Variants in FAM98B observed in about 807,000 individuals in gnomAD.
FAM98B encodes tRNA splicing ligase complex subunit 3B, also known as tRNA-splicing ligase complex subunit FAM98B.
A neutral mutation model predicts 43.9 loss-of-function variants in FAM98B; 32 were observed. The observed-to-expected ratio is 0.73, with a 90% CI of 0.55 to 0.98. The LOEUF is 0.98. FAM98B is among the 50% of genes least tolerant of loss of function. The pLI, the probability that FAM98B is intolerant of heterozygous loss-of-function variation, is 0.00. For missense variants in FAM98B, 514 were observed against 522.9 expected, an observed-to-expected ratio of 0.98 and a Z score of 0.17; for synonymous variants, 190 against 174.0, an observed-to-expected ratio of 1.09 and a Z score of -0.72.
intron 6 of FAM98B, among the ~76,000 whole-genome samples, chr15:38,474,549 A>G (rs1030581761): frequency 1.3e-5 from 2 of 152,218 alleles, no homozygotes; most frequent in African/African-American, 4.8e-5. Context: ...CAGGATATGC[A>G]TAAAAGAAGG....
intron 1 of FAM98B, among the ~76,000 whole-genome samples, chr15:38,455,986 A>T (rs1487365769): frequency 6.6e-6 from 1 of 152,254 alleles, no homozygotes; most frequent in African/African-American, 2.4e-5. Context: ...TATTTACAAT[A>T]TGTGTTGTAA....
chr15:38,483,166 A>C (rs1015182440), intron 7 of FAM98B: 1 of 152,230 alleles, frequency 6.6e-6, no homozygotes, highest in Non-Finnish European at 1.5e-5. Context: ...AATCAATGGC[A>C]ATGGAAAGTC....
rs1444666148 is a variant in FAM98B at position 38,484,432 on chromosome 15, TG to T, written c.1082del (p.Gly361ValfsTer79). 37 of 189,684 alleles carry T rather than the reference TG, an allele frequency of 2.0e-4. No homozygotes were observed. The highest frequency in any genetic ancestry group is 6.1e-4 in the East Asian group (1 of 1,652). 11.8% of individuals were successfully genotyped at this position (189,684 alleles called of 1,614,324 possible). ...TGGGGGTGGGGGTGGGAGAGGTGGC[TG>T]GGGGGGTGGAGGAGGAGGTTGGGGA... ...GGGGGGGRGG[W>X]GGGGGGWGGG... On this transcript the variant is annotated frameshift_variant, in exon 8 of 8. Transcript: ENST00000397609. LOFTEE classifies it low-confidence loss of function (END_TRUNC).
chr15:38,459,350 G>C (rs958743000), intron 1 of FAM98B: 2 of 466,890 alleles, frequency 4.3e-6, no homozygotes, highest in African/African-American at 2.0e-5. Context: ...AGTGGTGTTG[G>C]CTTCCTCCTT....
intron 2 of FAM98B, among the ~76,000 whole-genome samples, 192 bp from the exon 3 acceptor site, chr15:38,465,077 G>T (rs1478412178): frequency 6.6e-6 from 1 of 152,194 alleles, no homozygotes; most frequent in East Asian, 1.9e-4. Flanking sequence ...GCTCTGAAGT[G>T]AATTAATAAT....
chr15:38,477,482 T>C (rs1405153942), intron 6 of FAM98B, among the ~76,000 whole-genome samples: 1 of 152,160 alleles, frequency 6.6e-6, no homozygotes, highest in African/African-American at 2.4e-5. Flanking sequence ...TATAATTTAG[T>C]GTCTTCAGTA....
intron 3 of FAM98B, among the ~76,000 whole-genome samples, chr15:38,465,795 A>G (rs1307694293): frequency 1.3e-5 from 2 of 152,136 alleles, no homozygotes; most frequent in African/African-American, 4.8e-5. Context: ...TCTAACACCA[A>G]GAACTGCTCT....
intron 1 of FAM98B, among the ~76,000 whole-genome samples, chr15:38,463,793 G>A (rs1343587533): frequency 1.3e-5 from 2 of 152,100 alleles, no homozygotes; most frequent in African/African-American, 2.4e-5. Context: ...TATAGAGCAG[G>A]AATCAGCAAA....
intron 1 of FAM98B, among the ~76,000 whole-genome samples, chr15:38,461,971 A>G (rs1212553703): frequency 6.6e-6 from 1 of 152,134 alleles, no homozygotes; most frequent in African/African-American, 2.4e-5. Context: ...ACTGACAAAA[A>G]TTTGCCAAAC....
chr15:38,468,608 T>G (rs1473989284), intron 3 of FAM98B, among the ~76,000 whole-genome samples: 1 of 152,168 alleles, frequency 6.6e-6, no homozygotes, highest in African/African-American at 2.4e-5. Flanking sequence ...ATAATTGATC[T>G]TAATATTTTG....
At chr15:38,480,063 A>G (rs182809354) in intron 6 of FAM98B, among the ~76,000 whole-genome samples, 262 of 151,382 alleles carry the variant, frequency 1.7e-3, no homozygotes, top group African/African-American at 6.2e-3. Context: ...TGAGGTTTTT[A>G]TATAGAAAGG....
At chr15:38,480,684 C>A (rs138271602) in intron 6 of FAM98B, among the ~76,000 whole-genome samples, 1,628 of 152,080 alleles carry the variant, frequency 0.011, 9 homozygotes, top group South Asian at 0.021. Context: ...AGCATCCTGG[C>A]ACATTTAATA....
chr15:38,457,106 G>A (rs1314733501), intron 1 of FAM98B, among the ~76,000 whole-genome samples: 1 of 152,196 alleles, frequency 6.6e-6, no homozygotes, highest in East Asian at 1.9e-4. Context: ...TTGCTTAGTG[G>A]CAGTGGATAT....
chr15:38,467,723 T>C (rs1228031875), intron 3 of FAM98B, among the ~76,000 whole-genome samples: 1 of 152,168 alleles, frequency 6.6e-6, no homozygotes, highest in Admixed American at 6.5e-5. Flanking sequence ...CATTATGACA[T>C]TGTAGTAATA....
Position 38,487,132 on chromosome 15 carries a change from A to T in FAM98B, c.*2473A>T, listed in dbSNP as rs988179709. On this transcript the variant is annotated 3_prime_UTR_variant, in exon 8 of 8. Transcript: ENST00000397609. ...CTTTCCTCTCGACCGTATAAAGAGC[A>T]TGTATTCTGTCTATAACATAATCAC... 2 of 152,246 alleles carry T rather than the reference A, an allele frequency of 1.3e-5. No homozygotes were observed. The highest frequency in any genetic ancestry group is 3.4e-3 in the Middle Eastern group (1 of 294). The allele number at this position is 152,246 out of a possible 1,614,324, so 9.4% of individuals were successfully genotyped here. A position where few individuals can be genotyped will look rare whatever the true frequency, so the allele number is the denominator to read the frequency against.
At chr15:38,466,361 A>G (rs575140024) in intron 3 of FAM98B, among the ~76,000 whole-genome samples, 1 of 152,164 alleles carries the variant, frequency 6.6e-6, no homozygotes, top group Non-Finnish European at 1.5e-5. Context: ...TTAATGAACC[A>G]CTGTTATTGG....
At chr15:38,470,497 G>T in intron 4 of FAM98B, 92 bp downstream of exon 4, 1 of 1,178,184 alleles carries the variant, frequency 8.5e-7, no homozygotes, top group East Asian at 2.7e-5. Flanking sequence ...ATAATTATGA[G>T]GTATACATTT....
At chr15:38,465,535 C>T (rs1320387256) in intron 3 of FAM98B, 132 bp downstream of exon 3, 1 of 809,276 alleles carries the variant, frequency 1.2e-6, no homozygotes, top group African/African-American at 1.8e-5. Flanking sequence ...AAATACAAAG[C>T]TATCTCAGAA....
In FAM98B at chr15:38,454,239, G is replaced by A. The variant is rs372494552; in HGVS notation, c.71+7G>A. The A allele has an allele frequency of 5.1e-5, 81 of 1,598,488 alleles. No individual in the cohort carries two copies. The highest frequency in any genetic ancestry group is 6.6e-5 in the Non-Finnish European group (77 of 1,174,166). On this transcript the variant is annotated splice_region_variant and intron_variant, in intron 1 of 7. Coordinates refer to ENST00000397609, the MANE Select transcript of FAM98B (RefSeq NM_173611.4). Reference sequence around the variant, plus strand: ...ACACACTGGAGGCGCTGGGGTGAGTGCTTTTGGAGACGCCTTTTCCCTGAA... The same window carrying A: ...ACACACTGGAGGCGCTGGGGTGAGTACTTTTGGAGACGCCTTTTCCCTGAA...
Sources: gnomAD v4.1 joint callset for allele counts (sites outside exome capture counted in the v4.1 genomes callset) on GRCh38, gnomAD v4.1.1 for gene constraint, MANE v1.5 for transcripts, NCBI Gene and HGNC (gene_info 2026-07-23, HGNC 2026-07-21) for gene names.